Variants in C5AR1 observed in about 807,000 individuals in gnomAD.
C5AR1 encodes the protein complement C5a receptor 1.
A neutral mutation model predicts 2.4 loss-of-function variants in C5AR1; 4 were observed. The ratio of observed to expected loss-of-function variants is 1.65; its 90% confidence interval spans 0.81 to 3.77. The LOEUF is 3.77. Among genes scored for constraint, C5AR1 ranks in the 30% most tolerant of loss-of-function variants. The pLI is 0.01. For synonymous variants in C5AR1, 209 were observed against 210.4 expected (o/e 0.99, Z 0.06); for missense variants, 418 against 462.5 (o/e 0.90, Z 0.88).
At chr19:47,313,195 C>T (rs2059276108) in intron 1 of C5AR1, among the ~76,000 whole-genome samples, 1 of 151,952 alleles carries the variant, frequency 6.6e-6, no homozygotes, top group African/African-American at 2.4e-5. Flanking sequence ...CCAGGCTGGT[C>T]TCGAACTCCT....
chr19:47,317,667 C>T (rs2059294371), intron 1 of C5AR1, among the ~76,000 whole-genome samples: 1 of 151,678 alleles, frequency 6.6e-6, no homozygotes, highest in Non-Finnish European at 1.5e-5. Flanking sequence ...CTTATTTAAT[C>T]TTTGAGGTGA....
At chr19:47,316,197 G>A (rs1338957530) in intron 1 of C5AR1, among the ~76,000 whole-genome samples, 1 of 151,920 alleles carries the variant, frequency 6.6e-6, no homozygotes, top group Non-Finnish European at 1.5e-5. Context: ...TAGTGGAGAT[G>A]GGGTTTCACT....
chr19:47,317,026 A>AG (rs1286179112), intron 1 of C5AR1, among the ~76,000 whole-genome samples: 2 of 150,814 alleles, frequency 1.3e-5, no homozygotes, highest in African/African-American at 4.9e-5. Flanking sequence ...AAAAAAAAAA[A>AG]GAAAAAAAAT....
upstream of C5AR1, among the ~76,000 whole-genome samples, chr19:47,309,263 G>A (rs1025500428): frequency 1.3e-5 from 2 of 152,044 alleles, no homozygotes; most frequent in Admixed American, 6.6e-5. Context: ...GAAGGCTGGC[G>A]TCTTAGGAGG....
chr19:47,310,167 C>T (rs1488805200), intron 1 of C5AR1, among the ~76,000 whole-genome samples: 3 of 152,234 alleles, frequency 2.0e-5, no homozygotes, highest in African/African-American at 7.2e-5. Flanking sequence ...CGAGAAGATT[C>T]CCCAGGGGAG....
chr19:47,320,165 A>C lies in C5AR1; in HGVS notation c.388A>C (p.Ile130Leu). 1 of 1,614,180 alleles carries C rather than the reference A, an allele frequency of 6.2e-7. No individual in the cohort carries two copies. The highest frequency in any genetic ancestry group is 8.5e-7 in the Non-Finnish European group (1 of 1,180,026). The change falls in exon 2 of 2, where the codon ATC (isoleucine) becomes CTC (leucine). Residue 130 changes from isoleucine (I) to leucine (L), a missense_variant. Coordinates refer to ENST00000355085, the MANE Select transcript of C5AR1 (RefSeq NM_001736.4). This position sits in a 1 kb window ranked among gnomAD's most constrained non-coding sequence, Gnocchi z 4.9. ...MYASILLLAT[I>L]SADRFLLVFK... ...CGCCAGCATCCTGCTCCTGGCCACC[A>C]TCAGCGCCGACCGCTTTCTGCTGGT...
chr19:47,320,575 C>G lies in C5AR1; in HGVS notation c.798C>G (p.Ser266=). Residue 266 remains serine, a synonymous_variant, in exon 2 of 2, where the codon TCC becomes TCG. Coordinates refer to ENST00000355085, the MANE Select transcript of C5AR1 (RefSeq NM_001736.4). The surrounding 1 kb of genome is among the most constrained non-coding windows in gnomAD (Gnocchi z 4.9). ...LPYQVTGIMM[S]FLEPSSPTFL... ...ACCAGGTGACGGGGATAATGATGTC[C>G]TTCCTGGAGCCATCGTCACCCACCT... 6.2e-7 allele frequency: 1 copy of G among 1,613,988 alleles called. No homozygotes were observed. The highest frequency in any genetic ancestry group is 1.3e-5 in the African/African-American group (1 of 74,988).
At position 47,320,300 on chromosome 19, in the gene C5AR1, C is replaced by T. The variant is rs141160351; in HGVS notation, c.523C>T (p.Arg175Trp). 9.1e-5 allele frequency: 146 copies of T among 1,611,598 alleles called. No individual in the cohort carries two copies. Among genetic ancestry groups the T allele is most frequent in the Non-Finnish European group, 1.2e-4 (140 of 1,180,026 alleles). Residue 175 changes from arginine to tryptophan, a missense_variant, in exon 2 of 2, where the codon CGG becomes TGG. Physicochemically the swap from Arg to Trp is moderately radical, Grantham distance 101. Transcript: ENST00000355085. This position sits in a 1 kb window ranked among gnomAD's most constrained non-coding sequence, Gnocchi z 4.9. The stretch of plus-strand genomic sequence containing the variant: ...GCTGACCATACCCTCCTTCCTGTAC[C>T]GGGTGGTCCGGGAGGAGTACTTTCC... ...LLLTIPSFLY[R>W]VVREEYFPPK...
intron 1 of C5AR1, among the ~76,000 whole-genome samples, chr19:47,312,303 C>T (rs2059273505): frequency 6.6e-6 from 1 of 152,162 alleles, no homozygotes; most frequent in African/African-American, 2.4e-5. Flanking sequence ...CCAGGCTGGT[C>T]TTGAACTCCT....
At chr19:47,308,843 T>C (rs891935036), upstream of C5AR1, among the ~76,000 whole-genome samples, 3 of 151,282 alleles carry the variant, frequency 2.0e-5, no homozygotes, top group Non-Finnish European at 4.4e-5. Flanking sequence ...GGCGCAATCT[T>C]GGCTCACTGC....
chr19:47,320,080 C>A lies in C5AR1; in HGVS notation c.303C>A (p.His101Gln), dbSNP rs2059303748. The A allele has an allele frequency of 6.2e-7, 1 of 1,614,224 alleles. No homozygotes were observed. Among genetic ancestry groups the A allele is most frequent in the African/African-American group, 1.3e-5 (1 of 75,078 alleles). The change falls in exon 2 of 2, where the codon CAC becomes CAA. Residue 101 changes from histidine to glutamine, a missense_variant. His to Gln is a conservative substitution (Grantham distance 24). Coordinates refer to ENST00000355085, the MANE Select transcript of C5AR1 (RefSeq NM_001736.4). This position sits in a 1 kb window ranked among gnomAD's most constrained non-coding sequence, Gnocchi z 4.9. ...ILFTSIVQHH[H>Q]WPFGGAACSI... ...TCACGTCCATTGTACAGCATCACCA[C>A]TGGCCCTTTGGCGGGGCCGCCTGCA... is the stretch of plus-strand genomic sequence containing the variant.
upstream of C5AR1, chr19:47,309,780 G>A (rs768000180): frequency 7.5e-5 from 86 of 1,150,970 alleles, no homozygotes; most frequent in Non-Finnish European, 1.0e-4. Context: ...AGACCAATGA[G>A]AGCCCCAGAG....
At chr19:47,318,383 T>C (rs933865032) in intron 1 of C5AR1, among the ~76,000 whole-genome samples, 2 of 151,600 alleles carry the variant, frequency 1.3e-5, no homozygotes, top group Admixed American at 1.3e-4. Context: ...AACTTCCACC[T>C]CCCAGGTTCA....
At chr19:47,315,584 C>T (rs2059284565) in intron 1 of C5AR1, among the ~76,000 whole-genome samples, 1 of 152,070 alleles carries the variant, frequency 6.6e-6, no homozygotes, top group African/African-American at 2.4e-5. Context: ...TGCGTCACAG[C>T]CAAAGGGAAC....
chr19:47,311,352 C>T (rs1405140549), intron 1 of C5AR1, among the ~76,000 whole-genome samples: 1 of 151,736 alleles, frequency 6.6e-6, no homozygotes, highest in Admixed American at 6.6e-5. Context: ...TCTACCAAAA[C>T]TACAAAAATT....
intron 1 of C5AR1, among the ~76,000 whole-genome samples, chr19:47,318,286 T>C (rs1353026071): frequency 6.7e-6 from 1 of 148,768 alleles, no homozygotes. Flanking sequence ...GAAATGGGCA[T>C]TTTTTTTTCT....
Position 47,320,461 on chromosome 19 carries a change from G to C in C5AR1, c.684G>C (p.Arg228=), listed in dbSNP as rs1359442192. ...LTICYTFILL[R]TWSRRATRST... is the part of the protein sequence containing the mutation. ...TTTGTTACACTTTCATCCTGCTCCG[G>C]ACGTGGAGCCGCAGGGCCACGCGGT... The change falls in exon 2 of 2, where the codon CGG becomes CGC. Residue 228 remains arginine, a synonymous_variant. Coordinates refer to ENST00000355085, the MANE Select transcript of C5AR1 (RefSeq NM_001736.4). The surrounding 1 kb of genome is among the most constrained non-coding windows in gnomAD (Gnocchi z 4.9). 1 of 1,613,098 alleles carries C rather than the reference G, an allele frequency of 6.2e-7. No homozygotes were observed. The highest frequency in any genetic ancestry group is 8.5e-7 in the Non-Finnish European group (1 of 1,180,036).
chr19:47,311,496 A>G (rs1268709070), intron 1 of C5AR1, among the ~76,000 whole-genome samples: 2 of 150,346 alleles, frequency 1.3e-5, no homozygotes, highest in African/African-American at 4.9e-5. Flanking sequence ...CAACAGGGCC[A>G]TCTCAAAAAA....
At chr19:47,311,286 C>T (rs1033891691) in intron 1 of C5AR1, among the ~76,000 whole-genome samples, 13 of 151,760 alleles carry the variant, frequency 8.6e-5, no homozygotes, top group South Asian at 2.1e-4. Context: ...CTGAGGCGGG[C>T]GGATCACAAG....
Sources: gnomAD v4.1 joint callset for allele counts (sites outside exome capture counted in the v4.1 genomes callset) on GRCh38, gnomAD v4.1.1 for gene constraint, Gnocchi (gnomAD v3.1) non-coding constraint, MANE v1.5 for transcripts, NCBI Gene and HGNC (gene_info 2026-07-23, HGNC 2026-07-21) for gene names.